FGF12: variants seen among roughly 807,000 people sequenced by gnomAD.
The protein encoded by FGF12 is fibroblast growth factor 12B.
In FGF12, 14 loss-of-function variants were observed where a neutral mutation model predicts 23.6. The observed-to-expected ratio is 0.59, with a 90% confidence interval of 0.39 to 0.93. The LOEUF (loss-of-function observed/expected upper bound fraction) is 0.93, where lower values mean the gene tolerates loss of function less well. FGF12 is among the 40% of genes least tolerant of loss of function. The probability of loss-of-function intolerance (pLI) is 0.00; values close to 1 mark genes in which losing one functional copy is unlikely to be tolerated. For missense variants in FGF12, 175 were observed against 217.8 expected (o/e 0.80, Z 1.24); for synonymous variants, 62 against 77.3 (o/e 0.80, Z 1.04).
At chr3:192,281,950 T>C (rs1290376306) in intron 4 of FGF12, among the ~76,000 whole-genome samples, 4 of 152,118 alleles carry the variant, frequency 2.6e-5, no homozygotes, top group Admixed American at 2.6e-4. Context: ...AAATCTCCAA[T>C]AACAGTGTAA....
intron 2 of FGF12, among the ~76,000 whole-genome samples, chr3:192,660,426 G>A (rs759927150): frequency 5.3e-5 from 8 of 150,682 alleles, no homozygotes; most frequent in Admixed American, 1.3e-4. Context: ...TGAGTTAATG[G>A]GTGCAGCACA....
intron 2 of FGF12, among the ~76,000 whole-genome samples, chr3:192,457,476 T>C (rs1004318728): frequency 6.6e-6 from 1 of 152,146 alleles, no homozygotes; most frequent in African/African-American, 2.4e-5. Context: ...AGGAACTTGT[T>C]GGGAACTGGA....
At chr3:192,294,700 T>C (rs1714936268) in intron 4 of FGF12, among the ~76,000 whole-genome samples, 1 of 152,228 alleles carries the variant, frequency 6.6e-6, no homozygotes, top group Admixed American at 6.5e-5. Flanking sequence ...TCTTCCAACA[T>C]ATTTTGGCTT....
In FGF12 at chr3:192,597,028, A is replaced by C. The variant is rs149490976; in HGVS notation, c.13+130153T>G. ...ATGAATGTTAAGTCCCTTGCCTGTA[A>C]AATAAAGTATATGTATATGTTAAAA... On this transcript the variant is annotated intron_variant, in intron 2 of 5. Transcript: ENST00000445105. Among the ~76,000 whole-genome samples, 222 of 152,304 alleles carry C rather than the reference A, an allele frequency of 1.5e-3. 1 individual carries two copies. The highest frequency in any genetic ancestry group is 5.0e-3 in the African/African-American group (208 of 41,568).
At chr3:192,415,732 T>TCACACA (rs572589902) in intron 2 of FGF12, among the ~76,000 whole-genome samples, 153 of 117,980 alleles carry the variant, frequency 1.3e-3, no homozygotes, top group African/African-American at 2.8e-3. Flanking sequence ...TCTCTCTCTC[T>TCACACA]CACACACACA....
intron 4 of FGF12, among the ~76,000 whole-genome samples, chr3:192,222,340 T>G (rs1195354475): frequency 6.6e-6 from 1 of 152,152 alleles, no homozygotes; most frequent in African/African-American, 2.4e-5. Flanking sequence ...CTGTAACATG[T>G]CCTTAGAATG....
In FGF12 at chr3:192,259,510, T is replaced by C. The variant is rs943973998; in HGVS notation, c.228+75851A>G. 5.9e-5 allele frequency among the ~76,000 whole-genome samples: 9 copies of C among 152,136 alleles called. No homozygotes were observed. In the South Asian group the frequency reaches 1.9e-3, roughly 32 times the overall value. On this transcript the variant is annotated intron_variant, in intron 4 of 5. Transcript: ENST00000445105. ...TAGATTGGAACAAGGAAAGTCTAAG[T>C]GTATGGGCAAAACGCACTAAGTCTC...
chr3:192,225,029 G>A (rs1444053553), intron 4 of FGF12, among the ~76,000 whole-genome samples: 2 of 151,882 alleles, frequency 1.3e-5, no homozygotes, highest in African/African-American at 4.8e-5. Context: ...CCTTACTACA[G>A]GCCACATTTA....
chr3:192,706,126 C>G (rs1007506659), intron 2 of FGF12, among the ~76,000 whole-genome samples: 2 of 151,966 alleles, frequency 1.3e-5, no homozygotes, highest in African/African-American at 4.8e-5. Context: ...TTCATTAGTT[C>G]CTTTTCAGTG....
intron 2 of FGF12, among the ~76,000 whole-genome samples, chr3:192,675,509 CAG>C (rs1209349412): frequency 1.3e-5 from 2 of 152,094 alleles, no homozygotes; most frequent in East Asian, 3.9e-4. Flanking sequence ...ACAATATAAA[CAG>C]AGACATATGG....
At chr3:192,332,697 T>C (rs1315296838) in intron 4 of FGF12, among the ~76,000 whole-genome samples, 2 of 152,104 alleles carry the variant, frequency 1.3e-5, no homozygotes, top group Non-Finnish European at 2.9e-5. Flanking sequence ...TGACACTAGA[T>C]AAATGATACT....
At chr3:192,457,267 G>A (rs1374703776) in intron 2 of FGF12, among the ~76,000 whole-genome samples, 1 of 152,196 alleles carries the variant, frequency 6.6e-6, no homozygotes. Context: ...GGGTGTTGCT[G>A]AAAAGATACC....
At chr3:192,226,246 T>G (rs554386928) in intron 4 of FGF12, among the ~76,000 whole-genome samples, 1 of 152,332 alleles carries the variant, frequency 6.6e-6, no homozygotes, top group South Asian at 2.1e-4. Context: ...TTAGGGCATT[T>G]TTTGAATATC....
intron 2 of FGF12, among the ~76,000 whole-genome samples, chr3:192,713,941 T>C (rs1718777595): frequency 1.3e-5 from 2 of 152,228 alleles, no homozygotes; most frequent in African/African-American, 4.8e-5. Flanking sequence ...ACATTGCAAG[T>C]GTGGTGCTTG....
rs577782986 is a variant in FGF12 at position 192,718,642 on chromosome 3, C to T, written c.13+8539G>A. The stretch of plus-strand genomic sequence containing the variant: ...GTCTTTTCCACAAGGCCACTGCAGC[C>T]ATCCATCAATTTAGACATGAACCTG... On this transcript the variant is annotated intron_variant, in intron 2 of 5. Transcript: ENST00000445105. 9.2e-5 allele frequency among the ~76,000 whole-genome samples: 14 copies of T among 152,304 alleles called. No homozygotes were observed. In the South Asian group the frequency reaches 2.9e-3, roughly 32 times the overall value.
At chr3:192,397,743 C>T (rs1720584901) in intron 2 of FGF12, among the ~76,000 whole-genome samples, 2 of 152,122 alleles carry the variant, frequency 1.3e-5, no homozygotes, top group African/African-American at 4.8e-5. Context: ...ACAGCTAGAG[C>T]TATTTGGCTG....
intron 4 of FGF12, among the ~76,000 whole-genome samples, chr3:192,265,611 T>C (rs1163210151): frequency 6.6e-6 from 1 of 152,134 alleles, no homozygotes; most frequent in Non-Finnish European, 1.5e-5. Context: ...CTGAAAACTG[T>C]GTAAAATTTA....
intron 4 of FGF12, among the ~76,000 whole-genome samples, chr3:192,216,209 AT>A (rs2108686447): frequency 6.6e-6 from 1 of 152,282 alleles, no homozygotes; most frequent in South Asian, 2.1e-4. Context: ...CCAAGTGACT[AT>A]TTCTTTTATT....
At chr3:192,506,871 C>G (rs183563071) in intron 2 of FGF12, among the ~76,000 whole-genome samples, 1 of 149,066 alleles carries the variant, frequency 6.7e-6, no homozygotes, top group African/African-American at 2.5e-5. Flanking sequence ...GACCTCCCAT[C>G]TAGTCATGGC....
Sources: allele counts gnomAD v4.1 joint callset (sites outside exome capture counted in the v4.1 genomes callset), GRCh38; gene constraint gnomAD v4.1.1; transcripts MANE v1.5; gene names NCBI Gene and HGNC (gene_info 2026-07-23, HGNC 2026-07-21).